The following SKAP1 variants were observed in gnomAD, a reference collection of about 807,000 sequenced individuals.
The protein encoded by SKAP1 is src kinase-associated phosphoprotein 1.
Under a neutral mutation model 58.5 loss-of-function variants are expected in SKAP1, and 44 were observed. The ratio of observed to expected loss-of-function variants is 0.75; its 90% confidence interval spans 0.59 to 0.97. SKAP1 has a LOEUF of 0.97. Ranked by LOEUF, SKAP1 falls within the 50% of genes least tolerant of loss-of-function variation. The probability of loss-of-function intolerance (pLI) is 0.00; values close to 1 mark genes in which losing one functional copy is unlikely to be tolerated. For missense variants in SKAP1, 390 were observed against 435.2 expected (o/e 0.90, Z 0.92); for synonymous variants, 127 against 149.7 (o/e 0.85, Z 1.11).
chr17:48,398,793 G>A (rs1413850461), intron 1 of SKAP1, among the ~76,000 whole-genome samples: 6 of 152,114 alleles, frequency 3.9e-5, no homozygotes, highest in African/African-American at 7.2e-5. Flanking sequence ...AGGCCAAGGC[G>A]GGCGGATCAT....
At chr17:48,273,693 A>G (rs1016888088) in intron 4 of SKAP1, among the ~76,000 whole-genome samples, 3 of 152,166 alleles carry the variant, frequency 2.0e-5, no homozygotes, top group African/African-American at 7.2e-5. Flanking sequence ...TGCTGGGATT[A>G]CAGGGCTAAG....
intron 11 of SKAP1, among the ~76,000 whole-genome samples, chr17:48,159,630 A>C (rs528458173): frequency 6.6e-6 from 1 of 152,348 alleles, no homozygotes; most frequent in Admixed American, 6.5e-5. Context: ...ATTAGGATCT[A>C]TTTGAGAGAA....
intron 4 of SKAP1, among the ~76,000 whole-genome samples, chr17:48,208,383 T>C (rs890359653): frequency 2.2e-4 from 34 of 152,184 alleles, no homozygotes; most frequent in African/African-American, 8.0e-4. Context: ...CTTTACATTG[T>C]CTAACGACTG....
chr17:48,349,706 G>A (rs1264562833), intron 3 of SKAP1, among the ~76,000 whole-genome samples: 1 of 152,136 alleles, frequency 6.6e-6, no homozygotes, highest in Non-Finnish European at 1.5e-5. Context: ...TAAGCAGGAT[G>A]ATTTCTCTAT....
At chr17:48,322,576 CTA>C (rs1321800194) in intron 4 of SKAP1, among the ~76,000 whole-genome samples, 2 of 152,126 alleles carry the variant, frequency 1.3e-5, no homozygotes, top group African/African-American at 4.8e-5. Context: ...GGCGGCAAGT[CTA>C]TATTCCAGGC....
At chr17:48,277,048 A>G (rs1384252753) in intron 4 of SKAP1, among the ~76,000 whole-genome samples, 3 of 152,250 alleles carry the variant, frequency 2.0e-5, no homozygotes, top group Non-Finnish European at 4.4e-5. Flanking sequence ...CTGCACAATA[A>G]TATGGTCAAT....
intron 4 of SKAP1, among the ~76,000 whole-genome samples, chr17:48,290,461 C>T (rs1054197577): frequency 3.3e-5 from 5 of 152,108 alleles, no homozygotes; most frequent in Admixed American, 6.5e-5. Context: ...TTCACAAGAT[C>T]GATTAAGTCA....
chr17:48,313,222 C>T (rs1360442021), intron 4 of SKAP1, among the ~76,000 whole-genome samples: 4 of 152,048 alleles, frequency 2.6e-5, no homozygotes, highest in African/African-American at 4.8e-5. Context: ...AACTCATGAC[C>T]TTTGACAAGA....
At chr17:48,221,138 A>C (rs1449914959) in intron 4 of SKAP1, among the ~76,000 whole-genome samples, 1 of 151,764 alleles carries the variant, frequency 6.6e-6, no homozygotes, top group Non-Finnish European at 1.5e-5. Flanking sequence ...ATGGTGATGC[A>C]CATCTGTAAT....
chr17:48,214,587 T>G (rs111289335), intron 4 of SKAP1, among the ~76,000 whole-genome samples: 2 of 151,624 alleles, frequency 1.3e-5, no homozygotes, highest in African/African-American at 2.4e-5. Flanking sequence ...TGTTTCTTAA[T>G]TAAGAGAAGC....
At chr17:48,302,267 T>C (rs2066068563) in intron 4 of SKAP1, among the ~76,000 whole-genome samples, 1 of 152,188 alleles carries the variant, frequency 6.6e-6, no homozygotes, top group Admixed American at 6.5e-5. Flanking sequence ...ATTGAGCCAA[T>C]CACTACTATA....
At chr17:48,205,562 T>A (rs879619892) in intron 4 of SKAP1, among the ~76,000 whole-genome samples, 1 of 152,144 alleles carries the variant, frequency 6.6e-6, no homozygotes, top group Admixed American at 6.5e-5. Context: ...TGGTCCTCCA[T>A]ACACCCAGCA....
At chr17:48,345,181 G>A (rs950593704) in intron 4 of SKAP1, among the ~76,000 whole-genome samples, 2 of 152,200 alleles carry the variant, frequency 1.3e-5, no homozygotes, top group East Asian at 3.9e-4. Context: ...ATCTAGGCCT[G>A]AGCCAGAAAC....
Position 48,182,539 on chromosome 17 carries a change from C to T in SKAP1, c.568-82G>A, listed in dbSNP as rs894872459. 8.5e-6 allele frequency: 8 copies of T among 939,876 alleles called. No homozygotes were observed. In the African/African-American group the frequency reaches 1.3e-4, roughly 16 times the overall value. 58.2% of individuals were successfully genotyped at this position (939,876 alleles called of 1,614,324 possible). A position where few individuals can be genotyped will look rare whatever the true frequency, so the allele number is the denominator to read the frequency against. ...GACAGGGATGTCCAAGGGGGAGGAA[C>T]CACTGAGTTTCAGAGTCAAGTTTAA... On this transcript the variant is annotated intron_variant, in intron 7 of 12. Transcript: ENST00000336915.
At chr17:48,438,291 A>G in the SKAP1 span, among the ~76,000 whole-genome samples, 1 of 152,226 alleles carries the variant, frequency 6.6e-6, no homozygotes. Flanking sequence ...ACCTGCCTGC[A>G]GCATGGTAGG....
Position 48,194,400 on chromosome 17 carries a change from A to T in SKAP1, c.281-4900T>A, listed in dbSNP as rs765800237. Among the ~76,000 whole-genome samples, 9 of 152,334 alleles carry T rather than the reference A, an allele frequency of 5.9e-5. No individual in the cohort carries two copies. In the East Asian group the frequency reaches 7.7e-4, roughly 13 times the overall value. ...TTAGTCAGCTATGCACAGCAACAAC[A>T]ATGGGGACCCTTTGGAGTGTGATAC... is the stretch of plus-strand genomic sequence containing the variant. On this transcript the variant is annotated intron_variant, in intron 4 of 12. Coordinates refer to ENST00000336915, the MANE Select transcript of SKAP1 (RefSeq NM_003726.4).
chr17:48,266,007 C>G, intron 4 of SKAP1, among the ~76,000 whole-genome samples: 1 of 152,152 alleles, frequency 6.6e-6, no homozygotes, highest in East Asian at 1.9e-4. Context: ...GATATTTACT[C>G]ATTCTCTCCT....
intron 4 of SKAP1, among the ~76,000 whole-genome samples, chr17:48,211,489 ATCT>A (rs2064872483): frequency 6.6e-6 from 1 of 152,190 alleles, no homozygotes; most frequent in Non-Finnish European, 1.5e-5. Flanking sequence ...AGGACAAAAC[ATCT>A]TCTGGGAAAA....
intron 4 of SKAP1, among the ~76,000 whole-genome samples, chr17:48,206,708 TTAGA>T (rs2064814674): frequency 6.6e-6 from 1 of 152,160 alleles, no homozygotes; most frequent in Non-Finnish European, 1.5e-5. Context: ...ATCATATTAT[TTAGA>T]AGTGTGGAAG....
Sources: gnomAD v4.1 joint callset for allele counts (sites outside exome capture counted in the v4.1 genomes callset) on GRCh38, gnomAD v4.1.1 for gene constraint, MANE v1.5 for transcripts, NCBI Gene and HGNC (gene_info 2026-07-23, HGNC 2026-07-21) for gene names.